Variants in SLCO6A1 observed in about 807,000 individuals in gnomAD.
SLCO6A1 encodes cancer/testis antigen 48.
SLCO6A1 carries 65 observed loss-of-function variants against 72.7 expected under a neutral mutation model. The observed-to-expected ratio is 0.89, with a 90% CI of 0.73 to 1.10. SLCO6A1 has a LOEUF of 1.10. Among genes scored for constraint, SLCO6A1 ranks in the 50% least tolerant of loss-of-function variants. The pLI, the probability that SLCO6A1 is intolerant of heterozygous loss-of-function variation, is 0.00. For missense variants in SLCO6A1, 874 were observed against 872.6 expected (o/e 1.00, Z -0.02); for synonymous variants, 314 against 298.2 (o/e 1.05, Z -0.55).
intron 12 of SLCO6A1, among the ~76,000 whole-genome samples, chr5:102,377,149 GCAAGA>G (rs1329695412): frequency 3.9e-5 from 6 of 152,244 alleles, no homozygotes; most frequent in Admixed American, 6.5e-5. Context: ...GGGTGACAGA[GCAAGA>G]CATTGTCTCA....
At chr5:102,472,253 T>G (rs1751665805) in intron 4 of SLCO6A1, among the ~76,000 whole-genome samples, 1 of 152,132 alleles carries the variant, frequency 6.6e-6, no homozygotes, top group Non-Finnish European at 1.5e-5. Flanking sequence ...TCTGTTTCCT[T>G]TTATGATATT....
chr5:102,422,149 A>G (rs1748643016), intron 7 of SLCO6A1, among the ~76,000 whole-genome samples: 1 of 152,208 alleles, frequency 6.6e-6, no homozygotes, highest in African/African-American at 2.4e-5. Flanking sequence ...AGGTAGATAA[A>G]TCCATAAAGA....
At chr5:102,380,607 A>G (rs1395303533) in intron 12 of SLCO6A1, among the ~76,000 whole-genome samples, 1 of 152,034 alleles carries the variant, frequency 6.6e-6, no homozygotes, top group East Asian at 1.9e-4. Context: ...GCTCTAGAGT[A>G]GTGCTAGGCA....
chr5:102,463,898 A>G (rs1751175164), intron 4 of SLCO6A1, among the ~76,000 whole-genome samples: 1 of 130,744 alleles, frequency 7.6e-6, no homozygotes, highest in African/African-American at 2.6e-5. Context: ...AAAAAGAAGA[A>G]AAAAAAAAAA....
intron 6 of SLCO6A1, among the ~76,000 whole-genome samples, chr5:102,449,092 A>G (rs988506185): frequency 6.6e-6 from 1 of 152,106 alleles, no homozygotes; most frequent in Non-Finnish European, 1.5e-5. Context: ...TGCTTGTCTA[A>G]AAAGTATTTT....
intron 9 of SLCO6A1, among the ~76,000 whole-genome samples, chr5:102,400,576 T>C (rs1224998143): frequency 1.3e-5 from 2 of 152,014 alleles, no homozygotes; most frequent in Non-Finnish European, 2.9e-5. Flanking sequence ...AAACAGAGTT[T>C]AAAGATGCAG....
chr5:102,476,894 C>T (rs1751927525), intron 3 of SLCO6A1, among the ~76,000 whole-genome samples: 1 of 151,864 alleles, frequency 6.6e-6, no homozygotes, highest in African/African-American at 2.4e-5. Context: ...AGTTAGATAA[C>T]CCTGTACAAA....
chr5:102,388,652 T>G (rs146230251), intron 12 of SLCO6A1, 36 bp downstream of exon 12: 18,336 of 1,367,496 alleles, frequency 0.013, 144 homozygotes, highest in Non-Finnish European at 0.017. Context: ...TAGAAATAAT[T>G]TTATTTCTCT....
At chr5:102,448,614 A>T (rs545643501) in intron 6 of SLCO6A1, among the ~76,000 whole-genome samples, 5 of 152,278 alleles carry the variant, frequency 3.3e-5, no homozygotes, top group South Asian at 2.1e-4. Context: ...AACCTTTGTC[A>T]TTATATAATG....
At chr5:102,387,440 T>C (rs974802090) in intron 12 of SLCO6A1, among the ~76,000 whole-genome samples, 2 of 152,226 alleles carry the variant, frequency 1.3e-5, no homozygotes, top group African/African-American at 4.8e-5. Flanking sequence ...TACAATTGTA[T>C]CTAAAATAAA....
At chr5:102,417,983 G>A (rs1218752670) in intron 8 of SLCO6A1, among the ~76,000 whole-genome samples, 2 of 126,160 alleles carry the variant, frequency 1.6e-5, no homozygotes, top group African/African-American at 3.0e-5. Context: ...TGACAAGAGC[G>A]AAACTCCGTC....
At chr5:102,397,512 T>G (rs1747153919) in intron 10 of SLCO6A1, among the ~76,000 whole-genome samples, 1 of 152,188 alleles carries the variant, frequency 6.6e-6, no homozygotes, top group Non-Finnish European at 1.5e-5. Context: ...TGCATTCATT[T>G]GCAAAAGGTG....
intron 10 of SLCO6A1, among the ~76,000 whole-genome samples, chr5:102,398,265 C>T (rs750073785): frequency 3.9e-5 from 6 of 152,078 alleles, no homozygotes; most frequent in Middle Eastern, 3.4e-3. Context: ...TTGCAGCCTC[C>T]GCCCCGAGTT....
chr5:102,448,385 G>C (rs1750232217), intron 6 of SLCO6A1, among the ~76,000 whole-genome samples: 1 of 152,090 alleles, frequency 6.6e-6, no homozygotes, highest in African/African-American at 2.4e-5. Context: ...TGACTGTTAG[G>C]TACATTTGGT....
chr5:102,454,910 A>G (rs1750620289), intron 6 of SLCO6A1, among the ~76,000 whole-genome samples: 1 of 150,640 alleles, frequency 6.6e-6, no homozygotes, highest in South Asian at 2.1e-4. Flanking sequence ...ATTTGATTAA[A>G]AGATAAACAC....
rs1321703512 is a variant in SLCO6A1, at chr5:102,477,684, A to G, written c.794T>C (p.Ile265Thr). 3 of 1,610,896 alleles carry G rather than the reference A, an allele frequency of 1.9e-6. No individual in the cohort carries two copies. The highest frequency in any genetic ancestry group is 4.5e-5 in the East Asian group (2 of 44,832). ...DENVATHSAG[I>T]YLGIAECTSM... ...GAGGGGGTAAAACTTGCCTAAATAG[A>G]TACCAGCTGAGTGTGTAGCAACATT... The change falls in exon 3 of 14, where the codon ATC (isoleucine) becomes ACC (threonine). Residue 265 changes from isoleucine (I) to threonine (T), a missense_variant. Physicochemically the swap from Ile to Thr is moderately conservative, Grantham distance 89. Coordinates refer to ENST00000506729, the MANE Select transcript of SLCO6A1 (RefSeq NM_173488.5).
At chr5:102,429,420 G>A (rs1385389864) in intron 7 of SLCO6A1, among the ~76,000 whole-genome samples, 2 of 151,982 alleles carry the variant, frequency 1.3e-5, no homozygotes, top group Non-Finnish European at 2.9e-5. Context: ...TTTCTTCTAG[G>A]GTTTTTATAG....
chr5:102,377,599 C>T (rs897847933), intron 12 of SLCO6A1, among the ~76,000 whole-genome samples: 1 of 151,422 alleles, frequency 6.6e-6, no homozygotes, highest in Admixed American at 6.6e-5. Flanking sequence ...ATTAATTACA[C>T]CTCAGTTTTT....
intron 6 of SLCO6A1, among the ~76,000 whole-genome samples, chr5:102,446,450 G>A (rs1024458864): frequency 2.0e-5 from 3 of 152,132 alleles, no homozygotes; most frequent in Non-Finnish European, 2.9e-5. Flanking sequence ...AGTTGTTTAT[G>A]AAATCTGGGA....
Sources: gnomAD v4.1 joint callset for allele counts (sites outside exome capture counted in the v4.1 genomes callset) on GRCh38, gnomAD v4.1.1 for gene constraint, MANE v1.5 for transcripts, NCBI Gene and HGNC (gene_info 2026-07-23, HGNC 2026-07-21) for gene names.